The following JMJD1C variants were observed in gnomAD, a reference collection of about 807,000 sequenced individuals.
JMJD1C encodes the protein jumonji domain containing 1C, also known as jumonji domain-containing protein 1C.
Under a neutral mutation model 245.3 loss-of-function variants are expected in JMJD1C, and 31 were observed. That is an observed-to-expected ratio of 0.13 (90% CI 0.09 to 0.17). The LOEUF (loss-of-function observed/expected upper bound fraction) is 0.17, where lower values mean the gene tolerates loss of function less well. JMJD1C is among the 10% of genes least tolerant of loss of function. JMJD1C has a pLI of 1.00. For missense variants in JMJD1C, 2,691 were observed against 3,000.2 expected (o/e 0.90, Z 2.41); for synonymous variants, 1,057 against 1,017.4 (o/e 1.04, Z -0.74).
At chr10:63,260,650 C>T (rs1201433410) in intron 3 of JMJD1C, among the ~76,000 whole-genome samples, 1 of 151,854 alleles carries the variant, frequency 6.6e-6, no homozygotes, top group East Asian at 1.9e-4. Flanking sequence ...AGTGCAGTGG[C>T]GCGGTCTCGG....
At chr10:63,513,416 T>C (rs1954928771) in intron 1 of JMJD1C, among the ~76,000 whole-genome samples, 1 of 152,158 alleles carries the variant, frequency 6.6e-6, no homozygotes, top group Admixed American at 6.5e-5. Flanking sequence ...ACTCTATGAC[T>C]AAGTCCTCAA....
chr10:63,418,005 TGC>T (rs1183992378), intron 1 of JMJD1C, among the ~76,000 whole-genome samples: 207 of 152,332 alleles, frequency 1.4e-3, no homozygotes, highest in Admixed American at 2.4e-3. Context: ...ACATTGAGAC[TGC>T]ATTAAATATT....
chr10:63,416,369 T>C (rs544067268), intron 1 of JMJD1C, among the ~76,000 whole-genome samples: 58 of 151,744 alleles, frequency 3.8e-4, no homozygotes, highest in Non-Finnish European at 7.2e-4. Context: ...ATAATAAACA[T>C]TTAAAAGTCA....
At chr10:63,252,918 T>G (rs940226808) in intron 3 of JMJD1C, among the ~76,000 whole-genome samples, 2 of 152,248 alleles carry the variant, frequency 1.3e-5, no homozygotes, top group Non-Finnish European at 2.9e-5. Context: ...CAGCAATAAA[T>G]GAATGCCTAT....
At chr10:63,374,905 A>G (rs1946600371) in intron 2 of JMJD1C, among the ~76,000 whole-genome samples, 2 of 144,544 alleles carry the variant, frequency 1.4e-5, no homozygotes, top group Non-Finnish European at 2.9e-5. Context: ...TATTAGTTCC[A>G]GTAGGCTTTG....
chr10:63,328,194 G>A lies in JMJD1C; in HGVS notation c.333+52124C>T, dbSNP rs570060111. Among the ~76,000 whole-genome samples the A allele has an allele frequency of 3.3e-5, 5 of 151,902 alleles. No individual in the cohort carries two copies. The East Asian group carries it at 5.9e-4, about 18-fold the overall frequency. On this transcript the variant is annotated intron_variant, in intron 2 of 25. Coordinates refer to ENST00000399262, the MANE Select transcript of JMJD1C (RefSeq NM_032776.3). ...GGAGGCTGAGGCAGGAGAATCATTT[G>A]AACCCCGAAGTTGGAGGTTACAGTA...
chr10:63,500,746 A>AGGATGGATGGATGGAT (rs780486083), intron 1 of JMJD1C, among the ~76,000 whole-genome samples: 4,826 of 112,072 alleles, frequency 0.043, 129 homozygotes, highest in East Asian at 0.072. Flanking sequence ...GATGGATGGA[A>AGGATGGATGGATGGAT]GGATGGATGG....
intron 24 of JMJD1C, among the ~76,000 whole-genome samples, chr10:63,170,467 G>A (rs1842243516): frequency 6.6e-6 from 1 of 152,176 alleles, no homozygotes; most frequent in African/African-American, 2.4e-5. Context: ...TTTTTGCAAA[G>A]GCAGTATTCC....
chr10:63,386,576 C>G (rs1947607862), intron 1 of JMJD1C, among the ~76,000 whole-genome samples: 2 of 152,198 alleles, frequency 1.3e-5, no homozygotes, highest in African/African-American at 4.8e-5. Flanking sequence ...CCATTGGTAC[C>G]TGAGCACTTT....
chr10:63,511,056 T>C (rs1031089686), intron 1 of JMJD1C, among the ~76,000 whole-genome samples: 17 of 152,234 alleles, frequency 1.1e-4, no homozygotes, highest in African/African-American at 3.9e-4. Context: ...CTTTTAATCT[T>C]TGTGTCTTTA....
chr10:63,192,284 A>C (rs1564579096), intron 16 of JMJD1C, among the ~76,000 whole-genome samples: 1 of 107,482 alleles, frequency 9.3e-6, no homozygotes, highest in Non-Finnish European at 2.0e-5. Context: ...AAAAAAAAAA[A>C]ATTGGCCAGG....
chr10:63,426,312 A>G (rs542827488), intron 1 of JMJD1C, among the ~76,000 whole-genome samples: 25 of 152,252 alleles, frequency 1.6e-4, no homozygotes, highest in African/African-American at 6.0e-4. Flanking sequence ...TGAGCTATGA[A>G]TACCACTGCA....
At chr10:63,443,620 G>A (rs1481052846) in intron 1 of JMJD1C, among the ~76,000 whole-genome samples, 1 of 152,168 alleles carries the variant, frequency 6.6e-6, no homozygotes, top group East Asian at 1.9e-4. Context: ...CCTTTTGACA[G>A]GTTTTTATAG....
intron 1 of JMJD1C, among the ~76,000 whole-genome samples, chr10:63,387,631 T>A (rs1179145904): frequency 1.3e-4 from 13 of 99,466 alleles, no homozygotes; most frequent in Non-Finnish European, 2.4e-4. Context: ...AAAAAAAAAT[T>A]TTTTTTTTTT....
At chr10:63,413,925 G>C (rs972235264) in intron 1 of JMJD1C, among the ~76,000 whole-genome samples, 1 of 149,440 alleles carries the variant, frequency 6.7e-6, no homozygotes, top group African/African-American at 2.5e-5. Context: ...GATACTGAAA[G>C]AATGAAAAAT....
chr10:63,435,809 G>A (rs1049770707), intron 1 of JMJD1C, among the ~76,000 whole-genome samples: 7 of 152,206 alleles, frequency 4.6e-5, no homozygotes, highest in African/African-American at 7.2e-5. Flanking sequence ...TGAGATATGA[G>A]AACTGCTAGA....
chr10:63,394,983 T>TACA (rs1347151904), intron 1 of JMJD1C, among the ~76,000 whole-genome samples: 1 of 152,146 alleles, frequency 6.6e-6, no homozygotes, highest in Non-Finnish European at 1.5e-5. Flanking sequence ...AAAAGACTTG[T>TACA]ATCAAGAATA....
intron 2 of JMJD1C, chr10:63,358,737 T>G (rs935002887): frequency 7.2e-5 from 11 of 152,366 alleles, no homozygotes; most frequent in African/African-American, 1.9e-4. Flanking sequence ...AGTTTCAACG[T>G]TAATAGAAGA....
intron 2 of JMJD1C, among the ~76,000 whole-genome samples, chr10:63,317,181 G>A (rs1940187245): frequency 6.6e-6 from 1 of 151,408 alleles, no homozygotes; most frequent in Non-Finnish European, 1.5e-5. Flanking sequence ...ATTTCTATGT[G>A]CTAGGAACAT....
Sources: allele counts gnomAD v4.1 joint callset (sites outside exome capture counted in the v4.1 genomes callset), GRCh38; gene constraint gnomAD v4.1.1; transcripts MANE v1.5; gene names NCBI Gene and HGNC (gene_info 2026-07-23, HGNC 2026-07-21).